DRP2: variants seen among roughly 807,000 people sequenced by gnomAD.
DRP2 encodes the protein dystrophin related protein 2.
In DRP2, 29 loss-of-function variants were observed where a neutral mutation model predicts 78.2. The observed-to-expected ratio is 0.37, with a 90% confidence interval of 0.28 to 0.51. The LOEUF (loss-of-function observed/expected upper bound fraction) is 0.51. DRP2 is among the 20% of genes least tolerant of loss of function. The probability of loss-of-function intolerance (pLI) is 0.94; values close to 1 mark genes in which losing one functional copy is unlikely to be tolerated. For synonymous variants in DRP2, 290 were observed against 281.9 expected (o/e 1.03, Z -0.29); for missense variants, 686 against 770.6 (o/e 0.89, Z 1.30).
chrX:101,237,103 C>T (rs776193373), intron 4 of DRP2, among the ~76,000 whole-genome samples: 4 of 111,719 alleles, frequency 3.6e-5, no homozygotes, highest in Non-Finnish European at 7.5e-5. Flanking sequence ...CTGTTATATT[C>T]GTATGCATCC....
chrX:101,260,149 C>T lies in DRP2; in HGVS notation c.2729C>T (p.Thr910Ile), dbSNP rs770355155. The T allele has an allele frequency of 4.1e-6, 5 of 1,211,583 alleles. No individual in the cohort carries two copies. The highest frequency in any genetic ancestry group is 5.6e-6 in the Non-Finnish European group (5 of 895,454). ...GSHPREKGQT[T>I]PDTEAADDVG... The stretch of plus-strand genomic sequence containing the variant: ...CACCCCCGGGAGAAGGGACAGACTA[C>T]TCCAGATACCGAGGCTGCAGGTGAG... Residue 910 changes from threonine (T) to isoleucine (I), a missense_variant, in exon 23 of 24, where the codon ACT (threonine) becomes ATT (isoleucine). This residue lies in a region of DRP2 where 423 missense variants were observed against 531.5 expected (regional missense o/e 0.80). Transcript: ENST00000395209.
At chrX:101,258,711 G>A (rs1479021127) in intron 22 of DRP2, among the ~76,000 whole-genome samples, 165 bp downstream of exon 22, 3 of 109,811 alleles carry the variant, frequency 2.7e-5, no homozygotes, top group Non-Finnish European at 5.7e-5. Flanking sequence ...GGGGGCGGGG[G>A]AAAGAAGAGA....
At chrX:101,227,441 T>G (rs1922159078) in intron 2 of DRP2, among the ~76,000 whole-genome samples, 1 of 111,200 alleles carries the variant, frequency 9.0e-6, no homozygotes, top group Non-Finnish European at 1.9e-5. Context: ...AGAAGAATCT[T>G]TGTGTATAAC....
At chrX:101,236,869 C>T (rs769282280) in intron 4 of DRP2, among the ~76,000 whole-genome samples, 1 of 110,862 alleles carries the variant, frequency 9.0e-6, no homozygotes, top group East Asian at 2.8e-4. Flanking sequence ...AAGATCTTGG[C>T]CTAGGTGGTG....
chrX:101,258,200 G>A, intron 21 of DRP2, 109 bp from the exon 22 acceptor site: 1 of 650,188 alleles, frequency 1.5e-6, no homozygotes, highest in Admixed American at 3.2e-5. Context: ...GGTGAGGTAG[G>A]GTGGAAGAGC....
At position 101,256,141 on chromosome X, in the gene DRP2, G is replaced by A. The variant is rs1923328900; in HGVS notation, c.2270G>A (p.Arg757Gln). 1.7e-6 allele frequency: 2 copies of A among 1,196,567 alleles called. No homozygotes were observed. The highest frequency in any genetic ancestry group is 3.5e-5 in the African/African-American group (2 of 56,581). ...AGAGACGAGGACCAGTACCTGCTGC[G>A]GCACTCCAGCCCCATCACAGACCGG... ...DSIDEDQYLL[R>Q]HSSPITDREP... Residue 757 changes from arginine (R) to glutamine (Q), a missense_variant, in exon 21 of 24, where the codon CGG (arginine) becomes CAG (glutamine). Arg to Gln is a conservative substitution (Grantham distance 43, BLOSUM62 1). Coordinates refer to ENST00000395209, the MANE Select transcript of DRP2 (RefSeq NM_001939.3).
rs138703544 is a variant in DRP2, at chrX:101,254,422, C to T, written c.1978-3C>T. Reference sequence around the variant, plus strand: ...AAGTTCCTCTGCCCTGTCTCCTCCTCAGACCACATCCAGTGAGAACATGAG... The same window carrying T: ...AAGTTCCTCTGCCCTGTCTCCTCCTTAGACCACATCCAGTGAGAACATGAG... On this transcript the variant is annotated splice_polypyrimidine_tract_variant and splice_region_variant and intron_variant, in intron 17 of 23. Transcript: ENST00000395209. 1,363 of 1,210,053 alleles carry T rather than the reference C, an allele frequency of 1.1e-3. 9 individuals carry two copies. The African/African-American group carries it at 0.022, about 19-fold the overall frequency.
intron 17 of DRP2, 70 bp downstream of exon 17, chrX:101,252,786 C>A: frequency 1.2e-6 from 1 of 860,106 alleles, no homozygotes; most frequent in Non-Finnish European, 1.7e-6. Context: ...CCACTTTGCC[C>A]AGCATTGGCT....
chrX:101,231,829 G>T, intron 3 of DRP2, 65 bp downstream of exon 3: 1 of 986,256 alleles, frequency 1.0e-6, no homozygotes, highest in Non-Finnish European at 1.4e-6. Context: ...TGTGTCCTTG[G>T]GGTACCCACG....
chrX:101,248,900 G>A (rs1179575740), intron 14 of DRP2, among the ~76,000 whole-genome samples: 1 of 112,184 alleles, frequency 8.9e-6, no homozygotes, highest in Non-Finnish European at 1.9e-5. Flanking sequence ...GGGCCCTGAT[G>A]TTCTAGTTGC....
intron 1 of DRP2, among the ~76,000 whole-genome samples, chrX:101,221,689 A>G (rs1292107154): frequency 4.5e-5 from 5 of 112,214 alleles, no homozygotes; most frequent in Non-Finnish European, 9.4e-5. Context: ...GCTTGAAGCA[A>G]TGAATTTAGC....
intron 1 of DRP2, among the ~76,000 whole-genome samples, chrX:101,222,329 T>C (rs1446081365): frequency 9.0e-6 from 1 of 111,048 alleles, no homozygotes; most frequent in African/African-American, 3.3e-5. Flanking sequence ...AATAATAAAA[T>C]AAAAAATAAA....
intron 4 of DRP2, 106 bp downstream of exon 4, chrX:101,236,129 C>T (rs1440047651): frequency 1.1e-6 from 1 of 874,869 alleles, no homozygotes; most frequent in Non-Finnish European, 1.6e-6. Context: ...TTTCCTTAGC[C>T]CACCCACTTC....
At position 101,254,527 on chromosome X, in the gene DRP2, G is replaced by C; in HGVS notation, c.2080G>C (p.Val694Leu). 1 of 1,212,166 alleles carries C rather than the reference G, an allele frequency of 8.2e-7. No homozygotes were observed. Among genetic ancestry groups the C allele is most frequent in the Non-Finnish European group, 1.1e-6 (1 of 895,602 alleles). Residue 694 changes from valine to leucine, a missense_variant, in exon 18 of 24, where the codon GTG becomes CTG. Transcript: ENST00000395209. Reference sequence around the variant, plus strand: ...ACACCCTCAGCGAGGTTATCTGCCTGTGCAATCAGTGCTGGAGGCTGACTA... The same window carrying C: ...ACACCCTCAGCGAGGTTATCTGCCTCTGCAATCAGTGCTGGAGGCTGACTA... ...SKHPQRGYLP[V>L]QSVLEADYSE...
At chrX:101,257,903 C>G (rs1429183204) in intron 21 of DRP2, among the ~76,000 whole-genome samples, 1 of 111,066 alleles carries the variant, frequency 9.0e-6, no homozygotes, top group Non-Finnish European at 1.9e-5. Flanking sequence ...CAGGTGGTCT[C>G]TTGTTTATGT....
chrX:101,259,114 A>T (rs1242800567), intron 22 of DRP2, among the ~76,000 whole-genome samples: 1 of 111,334 alleles, frequency 9.0e-6, no homozygotes, highest in Non-Finnish European at 1.9e-5. Flanking sequence ...CAGTTAGTTA[A>T]CCTCTCTAAG....
At chrX:101,251,422 G>T in intron 16 of DRP2, 1 of 138,224 alleles carries the variant, frequency 7.2e-6, no homozygotes, top group African/African-American at 3.1e-5. Flanking sequence ...CTGATCTGTA[G>T]CATTTGCTAA....
In DRP2 at chrX:101,231,683, C is replaced by T; in HGVS notation, c.36C>T (p.Thr12=). 8.3e-7 allele frequency: 1 copy of T among 1,211,200 alleles called. No homozygotes were observed. The highest frequency in any genetic ancestry group is 1.1e-6 in the Non-Finnish European group (1 of 895,272). ...TGGTCATGCAGGGATGCCCTTACAC[C>T]CTCCCACGATGTCATGACTGGCAGG... is the stretch of plus-strand genomic sequence containing the variant. ...QPMVMQGCPY[T]LPRCHDWQAA... is the part of the protein sequence containing the mutation. The change falls in exon 3 of 24, where the codon ACC becomes ACT. Residue 12 remains threonine, a synonymous_variant. Coordinates refer to ENST00000395209, the MANE Select transcript of DRP2 (RefSeq NM_001939.3).
rs1279984057 is a variant in DRP2, at chrX:101,256,167, G to A, written c.2296G>A (p.Glu766Lys). The A allele has an allele frequency of 1.7e-6, 2 of 1,206,324 alleles. No homozygotes were observed. Among genetic ancestry groups the A allele is most frequent in the Non-Finnish European group, 2.2e-6 (2 of 893,595 alleles). Residue 766 changes from glutamate (E) to lysine (K), a missense_variant, in exon 21 of 24, where the codon GAG becomes AAG. By Grantham distance (56) the Glu-to-Lys change is moderately conservative. Around this residue, in one of 2 missense-constraint regions of DRP2, gnomAD observed 423 missense variants for 531.5 expected, o/e 0.80. Transcript: ENST00000395209. ...LRHSSPITDR[E>K]PAFGQQAPCS... ...GCACTCCAGCCCCATCACAGACCGG[G>A]AGCCAGCCTTTGGACAGCAGGCTCC...
Sources: allele counts gnomAD v4.1 joint callset (sites outside exome capture counted in the v4.1 genomes callset), GRCh38; gene constraint gnomAD v4.1.1; regional missense constraint gnomAD v4.1.1; transcripts MANE v1.5; gene names NCBI Gene and HGNC (gene_info 2026-07-23, HGNC 2026-07-21).